The following PRR16 variants were observed in gnomAD, a reference collection of about 807,000 sequenced individuals.
PRR16 encodes the protein protein Largen.
A neutral mutation model predicts 18.2 loss-of-function variants in PRR16; 6 were observed. The ratio of observed to expected loss-of-function variants is 0.33; its 90% CI spans 0.18 to 0.65. The LOEUF is 0.65. Among genes scored for constraint, PRR16 ranks in the 30% least tolerant of loss-of-function variants. PRR16 has a pLI of 0.74. For synonymous variants in PRR16, 151 were observed against 147.8 expected (o/e 1.02, Z -0.16); for missense variants, 412 against 376.6 (o/e 1.09, Z -0.78).
In PRR16 at chr5:120,514,804, A is replaced by G. The variant is rs148794535; in HGVS notation, c.159+50159A>G. On this transcript the variant is annotated intron_variant, in intron 1 of 1. Transcript: ENST00000407149. ...GAAAAAAGCTCCAGATATTTTCTCC[A>G]TTTCTTTCTTTCTTCTGAGCTCTCA... Among the ~76,000 whole-genome samples, 116 of 151,720 alleles carry G rather than the reference A, an allele frequency of 7.6e-4. 1 individual carries two copies. The highest frequency in any genetic ancestry group is 2.7e-3 in the African/African-American group (112 of 41,116).
At chr5:120,793,333 C>A in the PRR16 span, among the ~76,000 whole-genome samples, 1 of 150,554 alleles carries the variant, frequency 6.6e-6, no homozygotes, top group African/African-American at 2.4e-5. Flanking sequence ...GACCCTGCCT[C>A]AGAAAAAAAT....
At chr5:120,609,114 T>C (rs1228596695) in intron 1 of PRR16, among the ~76,000 whole-genome samples, 2 of 152,094 alleles carry the variant, frequency 1.3e-5, no homozygotes, top group African/African-American at 2.4e-5. Context: ...TATTCAGATA[T>C]ACTCCCACAT....
chr5:120,489,385 T>C (rs1561512521), intron 1 of PRR16, among the ~76,000 whole-genome samples: 2 of 152,184 alleles, frequency 1.3e-5, no homozygotes, highest in Admixed American at 6.5e-5. Flanking sequence ...CTTGTTGAAT[T>C]GATCCCTTTA....
At chr5:120,530,644 C>G (rs752203631) in intron 1 of PRR16, among the ~76,000 whole-genome samples, 53 of 152,112 alleles carry the variant, frequency 3.5e-4, no homozygotes, top group Non-Finnish European at 6.5e-4. Context: ...CATAAAGCAG[C>G]ATATTGTTAA....
At chr5:120,758,919 C>G in the PRR16 span, among the ~76,000 whole-genome samples, 1 of 150,034 alleles carries the variant, frequency 6.7e-6, no homozygotes, top group African/African-American at 2.4e-5. Context: ...CTTGCTGATA[C>G]AAATAGAAAT....
intron 1 of PRR16, among the ~76,000 whole-genome samples, chr5:120,684,193 A>T (rs1757052582): frequency 6.6e-6 from 1 of 152,200 alleles, no homozygotes; most frequent in African/African-American, 2.4e-5. Context: ...CATTTGCTAA[A>T]ATAGAAAATA....
At chr5:120,747,822 C>A in the PRR16 span, among the ~76,000 whole-genome samples, 1 of 151,850 alleles carries the variant, frequency 6.6e-6, no homozygotes, top group Non-Finnish European at 1.5e-5. Flanking sequence ...TCAAACAGTT[C>A]CTGATATTTG....
chr5:120,564,262 C>A (rs1405146519), intron 1 of PRR16, among the ~76,000 whole-genome samples: 1 of 152,066 alleles, frequency 6.6e-6, no homozygotes, highest in African/African-American at 2.4e-5. Flanking sequence ...TGGCTGGTGT[C>A]TCCTTAAGTC....
intron 1 of PRR16, among the ~76,000 whole-genome samples, chr5:120,649,484 G>A (rs1755704286): frequency 6.6e-6 from 1 of 152,110 alleles, no homozygotes; most frequent in Admixed American, 6.6e-5. Context: ...CAGGGTTTAT[G>A]AGTTATCTGG....
the PRR16 span, among the ~76,000 whole-genome samples, chr5:120,704,293 G>T: frequency 6.6e-6 from 1 of 152,128 alleles, no homozygotes; most frequent in East Asian, 1.9e-4. Context: ...TGGATGGAGG[G>T]GAGGCCTGGT....
the PRR16 span, among the ~76,000 whole-genome samples, chr5:120,718,195 A>G: frequency 2.2e-4 from 33 of 152,240 alleles, no homozygotes; most frequent in African/African-American, 7.5e-4. Context: ...AGTGAAACCT[A>G]GAGTTTAATA....
intron 1 of PRR16, among the ~76,000 whole-genome samples, chr5:120,508,847 C>A (rs1040441241): frequency 1.3e-5 from 2 of 151,998 alleles, no homozygotes; most frequent in African/African-American, 4.8e-5. Flanking sequence ...ATAAATGCTG[C>A]CCTGGCATAA....
chr5:120,727,053 G>A, the PRR16 span, among the ~76,000 whole-genome samples: 14 of 152,044 alleles, frequency 9.2e-5, no homozygotes, highest in African/African-American at 2.9e-4. Flanking sequence ...CAAGCCAATG[G>A]CATCCAGTTA....
At chr5:120,643,819 A>G (rs1411477580) in intron 1 of PRR16, among the ~76,000 whole-genome samples, 1 of 152,116 alleles carries the variant, frequency 6.6e-6, no homozygotes, top group Non-Finnish European at 1.5e-5. Flanking sequence ...AACGTGGCCA[A>G]CATGGTGAAA....
intron 1 of PRR16, among the ~76,000 whole-genome samples, chr5:120,507,554 C>T (rs116354565): frequency 3.2e-3 from 488 of 152,018 alleles, no homozygotes; most frequent in Non-Finnish European, 5.7e-3. Flanking sequence ...AAGGAGAGAA[C>T]GATGACAAAA....
intron 1 of PRR16, among the ~76,000 whole-genome samples, chr5:120,622,310 T>C (rs989989972): frequency 6.6e-6 from 1 of 152,080 alleles, no homozygotes; most frequent in Non-Finnish European, 1.5e-5. Context: ...TCTTGTTTTC[T>C]ATCTTTAGAA....
chr5:120,540,441 G>A (rs1282462970), intron 1 of PRR16, among the ~76,000 whole-genome samples: 1 of 152,138 alleles, frequency 6.6e-6, no homozygotes, highest in Non-Finnish European at 1.5e-5. Context: ...AAGGCCCTAT[G>A]TGCCCTGGCC....
At chr5:120,711,705 T>C in the PRR16 span, among the ~76,000 whole-genome samples, 3 of 152,328 alleles carry the variant, frequency 2.0e-5, no homozygotes, top group Non-Finnish European at 4.4e-5. Context: ...GCTTTTATTA[T>C]AGAGGCAAGC....
At chr5:120,714,212 A>C in the PRR16 span, among the ~76,000 whole-genome samples, 2 of 152,180 alleles carry the variant, frequency 1.3e-5, no homozygotes, top group East Asian at 3.8e-4. Flanking sequence ...TGAGCAATTT[A>C]TTAGAATATT....
Sources: gnomAD v4.1 joint callset for allele counts (sites outside exome capture counted in the v4.1 genomes callset) on GRCh38, gnomAD v4.1.1 for gene constraint, MANE v1.5 for transcripts, NCBI Gene and HGNC (gene_info 2026-07-23, HGNC 2026-07-21) for gene names.